CACUL1: variants seen among roughly 807,000 people sequenced by gnomAD.
CACUL1 encodes the protein CDK2 associated cullin domain 1.
CACUL1 carries 13 observed loss-of-function variants against 45.2 expected under a neutral mutation model. The observed-to-expected ratio is 0.29, with a 90% CI of 0.19 to 0.46. The LOEUF is 0.46. CACUL1 is among the 20% of genes least tolerant of loss of function. CACUL1 has a pLI of 1.00. For synonymous variants in CACUL1, 197 were observed against 174.2 expected, an observed-to-expected ratio of 1.13 and a Z score of -1.03; for missense variants, 421 against 471.4, an observed-to-expected ratio of 0.89 and a Z score of 0.99.
intron 2 of CACUL1, among the ~76,000 whole-genome samples, chr10:118,729,948 G>C (rs139629940): frequency 6.6e-6 from 1 of 152,156 alleles, no homozygotes; most frequent in Non-Finnish European, 1.5e-5. Context: ...TTAGAATTGT[G>C]TGTCAATAAA....
intron 3 of CACUL1, among the ~76,000 whole-genome samples, chr10:118,727,690 C>A (rs957169512): frequency 1.3e-5 from 2 of 152,080 alleles, no homozygotes; most frequent in African/African-American, 2.4e-5. Context: ...CTGGAAGTAA[C>A]CTAAATATTC....
intron 1 of CACUL1, among the ~76,000 whole-genome samples, chr10:118,749,270 T>A (rs1845873731): frequency 1.3e-5 from 2 of 152,132 alleles, no homozygotes; most frequent in South Asian, 4.1e-4. Context: ...CTTCCAGATA[T>A]AAAATGGGCA....
intron 3 of CACUL1, among the ~76,000 whole-genome samples, chr10:118,725,364 G>A (rs1329839934): frequency 5.3e-5 from 8 of 152,060 alleles, no homozygotes; most frequent in African/African-American, 1.9e-4. Flanking sequence ...GCTACTTGGG[G>A]TGCTGAGGCC....
chr10:118,688,882 A>G (rs1047677139), intron 7 of CACUL1, among the ~76,000 whole-genome samples: 16 of 152,250 alleles, frequency 1.1e-4, no homozygotes, highest in Admixed American at 6.5e-5. Context: ...ACTGCAAAAA[A>G]GGATGTATTT....
intron 7 of CACUL1, among the ~76,000 whole-genome samples, chr10:118,691,061 C>T (rs1012726900): frequency 1.3e-5 from 2 of 152,094 alleles, no homozygotes; most frequent in East Asian, 1.9e-4. Flanking sequence ...AAAAACAAAA[C>T]GTACGTAATG....
At chr10:118,718,863 G>A (rs1358282766) in intron 3 of CACUL1, among the ~76,000 whole-genome samples, 3 of 152,118 alleles carry the variant, frequency 2.0e-5, no homozygotes, top group East Asian at 1.9e-4. Flanking sequence ...GTGAGCCACC[G>A]CGCCCGGCCA....
intron 3 of CACUL1, among the ~76,000 whole-genome samples, chr10:118,722,119 T>C (rs1845606502): frequency 6.6e-6 from 1 of 151,658 alleles, no homozygotes; most frequent in Admixed American, 6.6e-5. Context: ...GTTTCGCTCT[T>C]GTCACCCAGG....
At chr10:118,714,837 C>T (rs1464483472) in intron 3 of CACUL1, among the ~76,000 whole-genome samples, 1 of 152,202 alleles carries the variant, frequency 6.6e-6, no homozygotes, top group African/African-American at 2.4e-5. Context: ...CCTCACCCCG[C>T]AAGCATGTGG....
Position 118,691,342 on chromosome 10 carries a change from C to G in CACUL1, c.948G>C (p.Ala316=). The G allele has an allele frequency of 6.2e-7, 1 of 1,612,298 alleles. No homozygotes were observed. Among genetic ancestry groups the G allele is most frequent in the Non-Finnish European group, 8.5e-7 (1 of 1,178,414 alleles). Residue 316 remains alanine (A), a synonymous_variant, in exon 7 of 9, where the codon GCG becomes GCC. Transcript: ENST00000369151. ...CATATTCAGAAAGTTCAGATTCCAC[C>G]GCCGGAGGGAGAATGTTTGGAATAA... The part of the protein sequence containing the change: ...SKFIPNILPP[A]VESELSEYAA...
In CACUL1 at chr10:118,750,010, T is replaced by C. The variant is rs185119094; in HGVS notation, c.367+4386A>G. On this transcript the variant is annotated intron_variant, in intron 1 of 8. Transcript: ENST00000369151. The stretch of plus-strand genomic sequence containing the variant: ...TCTCTGTGGGAACTATAGAAAACAC[T>C]ATCAATGTCAAAGACTTTAAAAATA... Among the ~76,000 whole-genome samples the C allele has an allele frequency of 2.2e-3, 337 of 152,270 alleles. 2 individuals carry two copies. The highest frequency in any genetic ancestry group is 7.8e-3 in the African/African-American group (325 of 41,540).
chr10:118,721,244 T>C (rs1216918545), intron 3 of CACUL1, among the ~76,000 whole-genome samples: 3 of 152,222 alleles, frequency 2.0e-5, no homozygotes, highest in African/African-American at 7.2e-5. Context: ...ACGCAATCCT[T>C]GCTCTGATTT....
At chr10:118,733,594 G>A (rs566271556) in intron 1 of CACUL1, among the ~76,000 whole-genome samples, 1 of 152,322 alleles carries the variant, frequency 6.6e-6, no homozygotes, top group South Asian at 2.1e-4. Flanking sequence ...TATTTGTTCA[G>A]TTTAACATCT....
At position 118,754,586 on chromosome 10, in the gene CACUL1, C is replaced by T. The variant is rs773452532; in HGVS notation, c.177G>A (p.Ala59=). The change falls in exon 1 of 9, where the codon GCG becomes GCA. Residue 59 remains alanine, a synonymous_variant. Transcript: ENST00000369151. Reference sequence around the variant, plus strand: ...TCCTGTCCACGGAGACCGCGGGCACCGCCAGCAGCTGCCCCCCCGGAGGCT... The same window carrying T: ...TCCTGTCCACGGAGACCGCGGGCACTGCCAGCAGCTGCCCCCCCGGAGGCT... The part of the protein sequence containing the change: ...AREPPGGQLL[A]VPAVSVDRKG... The T allele has an allele frequency of 6.2e-7, 1 of 1,609,152 alleles. No individual in the cohort carries two copies.
chr10:118,695,256 GAA>G, intron 5 of CACUL1, 26 bp from the exon 6 acceptor site: 2 of 1,250,728 alleles, frequency 1.6e-6, no homozygotes, highest in Non-Finnish European at 2.4e-6. Context: ...AGGTTAAAAA[GAA>G]TGTAACACAT....
At chr10:118,708,038 A>T (rs925101497) in intron 3 of CACUL1, among the ~76,000 whole-genome samples, 1 of 151,120 alleles carries the variant, frequency 6.6e-6, no homozygotes, top group Non-Finnish European at 1.5e-5. Context: ...AATCCTAGCC[A>T]CTTGGGAGGC....
intron 1 of CACUL1, 42 bp from the exon 2 acceptor site, chr10:118,730,452 G>A: frequency 3.9e-6 from 6 of 1,550,388 alleles, no homozygotes; most frequent in Non-Finnish European, 5.3e-6. Context: ...CGTGCCACAT[G>A]TGGAGCAAAC....
chr10:118,736,389 A>AT (rs753596455), intron 1 of CACUL1, among the ~76,000 whole-genome samples: 4,321 of 147,830 alleles, frequency 0.029, 78 homozygotes, highest in Middle Eastern at 0.071. Context: ...ATTATTTATA[A>AT]TTTTTTTTTT....
intron 3 of CACUL1, among the ~76,000 whole-genome samples, chr10:118,726,662 A>G (rs1315956775): frequency 6.6e-6 from 1 of 152,254 alleles, no homozygotes; most frequent in Non-Finnish European, 1.5e-5. Flanking sequence ...AGCATTTGCC[A>G]GGCAGGAAGC....
At chr10:118,751,412 T>C (rs1845897063) in intron 1 of CACUL1, among the ~76,000 whole-genome samples, 1 of 152,196 alleles carries the variant, frequency 6.6e-6, no homozygotes, top group African/African-American at 2.4e-5. Flanking sequence ...CCATTTATGA[T>C]ATTAAATTTA....
Sources: allele counts gnomAD v4.1 joint callset (sites outside exome capture counted in the v4.1 genomes callset), GRCh38; gene constraint gnomAD v4.1.1; transcripts MANE v1.5; gene names NCBI Gene and HGNC (gene_info 2026-07-23, HGNC 2026-07-21).